NLRP5: variants seen among roughly 807,000 people sequenced by gnomAD.
The protein encoded by NLRP5 is NACHT, LRR and PYD domains-containing protein 5.
Under a neutral mutation model 113.1 loss-of-function variants are expected in NLRP5, and 93 were observed. The observed-to-expected ratio is 0.82, with a 90% CI of 0.70 to 0.98. The LOEUF (loss-of-function observed/expected upper bound fraction) is 0.98, where lower values mean the gene tolerates loss of function less well. NLRP5 is among the 50% of genes least tolerant of loss of function. The pLI is 0.00. For synonymous variants in NLRP5, 751 were observed against 600.7 expected (o/e 1.25, Z -3.66); for missense variants, 1,808 against 1,514.3 (o/e 1.19, Z -3.22).
At position 56,005,498 on chromosome 19, in the gene NLRP5, A is replaced by C. The variant is rs1981858755; in HGVS notation, c.442+1403A>C. On this transcript the variant is annotated intron_variant, in intron 2 of 14. Coordinates refer to ENST00000390649, the MANE Select transcript of NLRP5 (RefSeq NM_153447.4). ...TTATACACACACACACGCAGGTGGCATGCCTGTACACATATATATTTATAC... is the reference window on the plus strand; with the variant it reads ...TTATACACACACACACGCAGGTGGCCTGCCTGTACACATATATATTTATAC... 1.3e-5 allele frequency among the ~76,000 whole-genome samples: 2 copies of C among 148,850 alleles called. 1 individual carries two copies. The highest frequency in any genetic ancestry group is 3.9e-4 in the East Asian group (2 of 5,122).
At chr19:55,994,152 A>G in the NLRP5 span, among the ~76,000 whole-genome samples, 2 of 152,142 alleles carry the variant, frequency 1.3e-5, no homozygotes, top group Non-Finnish European at 2.9e-5. Flanking sequence ...TTTTGATAGT[A>G]GCCATTCCAA....
chr19:55,998,672 G>GTGTGTGTGTGTGTA (rs1474569739), upstream of NLRP5, among the ~76,000 whole-genome samples: 4 of 105,988 alleles, frequency 3.8e-5, no homozygotes, highest in East Asian at 2.4e-4. Context: ...GTGTGTGTGT[G>GTGTGTGTGTGTGTA]TATATATATA....
chr19:56,050,286 AAAG>A (rs1196951668), intron 11 of NLRP5, 129 bp from the exon 12 acceptor site: 138 of 787,136 alleles, frequency 1.8e-4, no homozygotes, highest in Non-Finnish European at 2.3e-4. Context: ...CAAAAAAAAA[AAAG>A]AAAAAAAAAC....
At chr19:56,031,467 A>T (rs1054868044) in intron 7 of NLRP5, among the ~76,000 whole-genome samples, 2 of 151,062 alleles carry the variant, frequency 1.3e-5, no homozygotes, top group Non-Finnish European at 3.0e-5. Flanking sequence ...CATCTCTACT[A>T]AAAAAATACA....
chr19:56,002,084 T>C (rs1036027542), intron 1 of NLRP5, among the ~76,000 whole-genome samples: 2 of 152,156 alleles, frequency 1.3e-5, no homozygotes, highest in African/African-American at 4.8e-5. Context: ...GGGGAGGTAA[T>C]TGATAGCAGA....
rs1228478240 is a variant in NLRP5, at chr19:56,007,960, C to T, written c.443-828C>T. Among the ~76,000 whole-genome samples, 8 of 126,094 alleles carry T rather than the reference C, an allele frequency of 6.3e-5. 1 individual carries two copies. The East Asian group carries it at 1.2e-3, about 19-fold the overall frequency. The allele number at this position is 126,094 out of a possible 152,430, so 82.7% of individuals were successfully genotyped here. The stretch of plus-strand genomic sequence containing the variant: ...TTGAAACAGAGTCTTGCTCTGTCGC[C>T]CAGGCTGGGCTGTCGCCCAGTGCAG... On this transcript the variant is annotated intron_variant, in intron 2 of 14. Transcript: ENST00000390649.
chr19:56,038,184 G>A lies in NLRP5; in HGVS notation c.2775G>A (p.Leu925=). 3 of 1,613,676 alleles carry A rather than the reference G, an allele frequency of 1.9e-6. No homozygotes were observed. The highest frequency in any genetic ancestry group is 2.5e-6 in the Non-Finnish European group (3 of 1,179,708). ...CCTTGAGAGTCTCCCAGTGCGCCCT[G>A]CAGAAGCTGATGTGAGTGCCACTTC... Residue 925 remains leucine (L), a synonymous_variant, in exon 10 of 15, where the codon CTG becomes CTA. Transcript: ENST00000390649.
chr19:56,045,746 G>A (rs1168966937), intron 11 of NLRP5, among the ~76,000 whole-genome samples: 1 of 152,138 alleles, frequency 6.6e-6, no homozygotes, highest in Non-Finnish European at 1.5e-5. Flanking sequence ...GTTTATTGCG[G>A]GCAGGGGAAG....
chr19:56,029,807 A>G (rs938113972), intron 7 of NLRP5, among the ~76,000 whole-genome samples: 8 of 151,722 alleles, frequency 5.3e-5, no homozygotes, highest in Non-Finnish European at 1.2e-4. Context: ...TTGTAATCCC[A>G]GCACTTTGGG....
At position 56,060,485 on chromosome 19, in the gene NLRP5, C is replaced by T. The variant is rs538899886; in HGVS notation, c.3471-911C>T. Among the ~76,000 whole-genome samples, 22 of 152,146 alleles carry T rather than the reference C, an allele frequency of 1.4e-4. 1 individual carries two copies. Among genetic ancestry groups the T allele is most frequent in the African/African-American group, 5.3e-4 (22 of 41,522 alleles). ...TGACTCTGAAGAAAATGACGTTCTT[C>T]GAGAATCTGCTCTAGTAGTTTTGCT... On this transcript the variant is annotated intron_variant, in intron 14 of 14. Coordinates refer to ENST00000390649, the MANE Select transcript of NLRP5 (RefSeq NM_153447.4).
At chr19:56,030,346 G>C (rs1394408797) in intron 7 of NLRP5, among the ~76,000 whole-genome samples, 1 of 152,050 alleles carries the variant, frequency 6.6e-6, no homozygotes, top group Non-Finnish European at 1.5e-5. Flanking sequence ...CTCCAACCTG[G>C]GTGACAGAGT....
At chr19:56,001,414 C>T (rs1245632186) in intron 1 of NLRP5, among the ~76,000 whole-genome samples, 1 of 151,732 alleles carries the variant, frequency 6.6e-6, no homozygotes, top group Non-Finnish European at 1.5e-5. Context: ...CACCTCTACC[C>T]TCCTTTAAAT....
chr19:56,015,795 C>G lies in NLRP5; in HGVS notation c.562C>G (p.Gln188Glu). The change falls in exon 4 of 15, where the codon CAA (glutamine) becomes GAA (glutamate). Residue 188 changes from glutamine (Q) to glutamate (E), a missense_variant. Transcript: ENST00000390649. ...TGCCACAGCTGCAGAGACAAAAGAACAAGGTGAATGAAATAGATCTATTCA... is the reference window on the plus strand; with the variant it reads ...TGCCACAGCTGCAGAGACAAAAGAAGAAGGTGAATGAAATAGATCTATTCA... The G allele has an allele frequency of 3.2e-6, 5 of 1,565,954 alleles. No individual in the cohort carries two copies. The Middle Eastern group carries it at 6.7e-4, about 209-fold the overall frequency.
At chr19:56,046,884 G>A (rs528613279) in intron 11 of NLRP5, among the ~76,000 whole-genome samples, 1 of 152,268 alleles carries the variant, frequency 6.6e-6, no homozygotes, top group South Asian at 2.1e-4. Flanking sequence ...TCTGGTCCTG[G>A]ACTTGTTGGT....
chr19:56,043,673 C>G (rs1335101059), intron 11 of NLRP5, among the ~76,000 whole-genome samples: 1 of 148,840 alleles, frequency 6.7e-6, no homozygotes, highest in East Asian at 2.1e-4. Context: ...TCATGCCATT[C>G]TCCTGCCTCA....
chr19:56,025,981 C>T (rs145932613), intron 6 of NLRP5, among the ~76,000 whole-genome samples: 21 of 152,136 alleles, frequency 1.4e-4, no homozygotes, highest in South Asian at 4.2e-4. Flanking sequence ...TTAGATTCTA[C>T]GGGGGGAGAC....
chr19:56,039,975 G>C (rs1452919455), intron 10 of NLRP5, among the ~76,000 whole-genome samples: 2 of 152,066 alleles, frequency 1.3e-5, no homozygotes, highest in Non-Finnish European at 1.5e-5. Flanking sequence ...TGTAGTTTTG[G>C]GGGGTGGTCT....
intron 7 of NLRP5, 97 bp from the exon 8 acceptor site, chr19:56,032,514 A>G: frequency 1.7e-6 from 2 of 1,145,394 alleles, no homozygotes; most frequent in Non-Finnish European, 2.5e-6. Context: ...CCGTGGTCTC[A>G]CCTCGAGAGC....
At chr19:56,015,823 T>C (rs1043281933) in intron 4 of NLRP5, 25 bp downstream of exon 4, 7 of 1,531,402 alleles carry the variant, frequency 4.6e-6, no homozygotes, top group Non-Finnish European at 5.3e-6. Context: ...TCTATTCATT[T>C]GTTGCCCTCC....
Sources: gnomAD v4.1 joint callset for allele counts (sites outside exome capture counted in the v4.1 genomes callset) on GRCh38, gnomAD v4.1.1 for gene constraint, MANE v1.5 for transcripts, NCBI Gene and HGNC (gene_info 2026-07-23, HGNC 2026-07-21) for gene names.